The following RCOR1 variants were observed in gnomAD, a reference collection of about 807,000 sequenced individuals.
RCOR1 encodes the protein REST corepressor.
RCOR1 carries 12 observed loss-of-function variants against 64.0 expected under a neutral mutation model. That is an observed-to-expected ratio of 0.19 (90% confidence interval 0.12 to 0.30). The LOEUF (loss-of-function observed/expected upper bound fraction) is 0.30. RCOR1 is among the 10% of genes least tolerant of loss of function. The pLI is 1.00. For synonymous variants in RCOR1, 279 were observed against 227.2 expected (o/e 1.23, Z -2.05); for missense variants, 502 against 621.2 (o/e 0.81, Z 2.04).
At chr14:102,655,672 G>T in intron 2 of RCOR1, 2 of 253,444 alleles carry the variant, frequency 7.9e-6, no homozygotes, top group Non-Finnish European at 6.2e-6. Context: ...GAAGGAGAAG[G>T]CTGAGCATAG....
intron 2 of RCOR1, among the ~76,000 whole-genome samples, chr14:102,611,021 T>C (rs1893621624): frequency 6.6e-6 from 1 of 152,160 alleles, no homozygotes; most frequent in African/African-American, 2.4e-5. Context: ...AAAATAAGGT[T>C]ATTTGAAAGA....
chr14:102,657,441 AAT>A, intron 2 of RCOR1: 2 of 984,814 alleles, frequency 2.0e-6, no homozygotes, highest in Non-Finnish European at 2.4e-6. Flanking sequence ...AGTTAAGACT[AAT>A]ATAACACAGA....
rs8022140 is a variant in RCOR1, at chr14:102,678,958, A to C, written c.362-2937A>C. Among the ~76,000 whole-genome samples the C allele has an allele frequency of 6.9e-3, 1,056 of 152,312 alleles. 8 individuals are homozygous for C. The highest frequency in any genetic ancestry group is 0.024 in the African/African-American group (1,015 of 41,576). On this transcript the variant is annotated intron_variant, in intron 2 of 11. Coordinates refer to ENST00000262241, the MANE Select transcript of RCOR1 (RefSeq NM_015156.4). ...AAGTGACTGTTCAAATCTTTTGGCC[A>C]TTTTAAAAAAATTGTGTTATTTTCC...
intron 2 of RCOR1, among the ~76,000 whole-genome samples, chr14:102,596,983 C>T (rs1396236832): frequency 6.6e-6 from 1 of 151,738 alleles, no homozygotes; most frequent in Non-Finnish European, 1.5e-5. Flanking sequence ...AGTGATTCTC[C>T]TGCCTCAGCC....
At chr14:102,720,978 T>A in intron 8 of RCOR1, 29 bp from the exon 9 acceptor site, 1 of 1,269,250 alleles carries the variant, frequency 7.9e-7, no homozygotes, top group Non-Finnish European at 1.1e-6. Flanking sequence ...TTTTTATTTT[T>A]AAAATGAAAA....
intron 11 of RCOR1, among the ~76,000 whole-genome samples, chr14:102,724,086 G>A (rs185033727): frequency 2.6e-5 from 4 of 151,872 alleles, no homozygotes; most frequent in East Asian, 1.9e-4. Flanking sequence ...TCCACTTACC[G>A]TGTGGATTGC....
At chr14:102,635,027 TCTGG>T (rs2139914647) in intron 2 of RCOR1, among the ~76,000 whole-genome samples, 1 of 151,252 alleles carries the variant, frequency 6.6e-6, no homozygotes, top group Non-Finnish European at 1.5e-5. Flanking sequence ...AGAGATGGAG[TCTGG>T]CTGTGTTGGC....
chr14:102,636,617 C>CT (rs1251121381), intron 2 of RCOR1, among the ~76,000 whole-genome samples: 1 of 152,006 alleles, frequency 6.6e-6, no homozygotes, highest in Non-Finnish European at 1.5e-5. Context: ...GATCATTCTT[C>CT]TTTGAGTATT....
chr14:102,643,798 C>T (rs760865556), intron 2 of RCOR1, among the ~76,000 whole-genome samples: 6 of 152,062 alleles, frequency 3.9e-5, no homozygotes, highest in Admixed American at 2.0e-4. Flanking sequence ...GTGGGGGAGA[C>T]GTATCTATGA....
At chr14:102,669,309 G>GGA (rs553667940) in intron 2 of RCOR1, among the ~76,000 whole-genome samples, 1 of 132,256 alleles carries the variant, frequency 7.6e-6, no homozygotes, top group Non-Finnish European at 1.6e-5. Flanking sequence ...AACTCGGTCT[G>GGA]AAAAAAAAAA....
intron 2 of RCOR1, among the ~76,000 whole-genome samples, chr14:102,599,702 T>TA (rs1893344383): frequency 6.6e-6 from 1 of 152,240 alleles, no homozygotes; most frequent in African/African-American, 2.4e-5. Context: ...GGTGTCTTGA[T>TA]ATGCCTTTCA....
intron 2 of RCOR1, among the ~76,000 whole-genome samples, chr14:102,675,428 A>G (rs1895124762): frequency 6.6e-6 from 1 of 152,234 alleles, no homozygotes; most frequent in African/African-American, 2.4e-5. Context: ...AAAATGAACA[A>G]TTATAACAAT....
At chr14:102,644,189 CACA>C (rs1468990886) in intron 2 of RCOR1, among the ~76,000 whole-genome samples, 1 of 152,176 alleles carries the variant, frequency 6.6e-6, no homozygotes, top group Non-Finnish European at 1.5e-5. Flanking sequence ...TTGTGCTCCT[CACA>C]ACATTATGGC....
intron 2 of RCOR1, among the ~76,000 whole-genome samples, chr14:102,617,587 CTTTT>C (rs71119722): frequency 1.3e-3 from 156 of 118,256 alleles, no homozygotes; most frequent in Middle Eastern, 8.2e-3. Flanking sequence ...CTGTCTCTTT[CTTTT>C]TTTTTTTTTT....
intron 2 of RCOR1, among the ~76,000 whole-genome samples, chr14:102,675,113 A>G (rs886664060): frequency 6.6e-6 from 1 of 151,558 alleles, no homozygotes; most frequent in African/African-American, 2.4e-5. Flanking sequence ...TGGCACCTTC[A>G]GCAAATATTA....
intron 2 of RCOR1, among the ~76,000 whole-genome samples, chr14:102,616,623 A>G (rs1216529840): frequency 6.6e-6 from 1 of 152,138 alleles, no homozygotes; most frequent in Non-Finnish European, 1.5e-5. Context: ...AGAGATACAT[A>G]TAGGGCCAGG....
chr14:102,625,878 C>T (rs1893970676), intron 2 of RCOR1, among the ~76,000 whole-genome samples: 1 of 152,168 alleles, frequency 6.6e-6, no homozygotes, highest in Non-Finnish European at 1.5e-5. Flanking sequence ...TGAATGACTG[C>T]ATAGGTTGAA....
Position 102,720,458 on chromosome 14 carries a change from C to T in RCOR1, c.1054-549C>T, listed in dbSNP as rs113159013. Among the ~76,000 whole-genome samples the T allele has an allele frequency of 6.2e-3, 949 of 152,286 alleles. 12 individuals carry two copies. The highest frequency in any genetic ancestry group is 0.022 in the African/African-American group (920 of 41,544). ...GACGTGACAGTTAATCAAAGTTAGA[C>T]TTCTGGAAATCTCACTGACATTGTG... On this transcript the variant is annotated intron_variant, in intron 8 of 11. Coordinates refer to ENST00000262241, the MANE Select transcript of RCOR1 (RefSeq NM_015156.4).
At chr14:102,600,461 G>C (rs1401447038) in intron 2 of RCOR1, among the ~76,000 whole-genome samples, 1 of 152,012 alleles carries the variant, frequency 6.6e-6, no homozygotes, top group Non-Finnish European at 1.5e-5. Context: ...GAGAGCAATG[G>C]TGTGACCTTG....
Sources: gnomAD v4.1 joint callset for allele counts (sites outside exome capture counted in the v4.1 genomes callset) on GRCh38, gnomAD v4.1.1 for gene constraint, MANE v1.5 for transcripts, NCBI Gene and HGNC (gene_info 2026-07-23, HGNC 2026-07-21) for gene names.